The following MELK variants were observed in gnomAD, a reference collection of about 807,000 sequenced individuals.
MELK encodes maternal embryonic leucine zipper kinase.
MELK carries 81 observed loss-of-function variants against 85.0 expected under a neutral mutation model. The observed-to-expected ratio is 0.95, with a 90% CI of 0.80 to 1.15. MELK has a LOEUF of 1.15. Among genes scored for constraint, MELK ranks in the 50% most tolerant of loss-of-function variants. The probability of loss-of-function intolerance (pLI) is 0.00; values close to 1 mark genes in which losing one functional copy is unlikely to be tolerated. For missense variants in MELK, 754 were observed against 777.5 expected, an observed-to-expected ratio of 0.97 and a Z score of 0.36; for synonymous variants, 252 against 265.0, an observed-to-expected ratio of 0.95 and a Z score of 0.48.
chr9:36,666,783 A>G (rs540088081), intron 14 of MELK, among the ~76,000 whole-genome samples: 84 of 151,396 alleles, frequency 5.5e-4, no homozygotes, highest in African/African-American at 2.0e-3. Context: ...GTCATTTTCC[A>G]TTTCATCAAC....
chr9:36,624,434 G>A (rs1275704419), intron 8 of MELK, among the ~76,000 whole-genome samples: 2 of 152,172 alleles, frequency 1.3e-5, no homozygotes, highest in Non-Finnish European at 2.9e-5. Context: ...AGCCCATGGA[G>A]CCAGTAAGAG....
At chr9:36,635,595 C>G (rs1013003209) in intron 10 of MELK, among the ~76,000 whole-genome samples, 22 of 151,864 alleles carry the variant, frequency 1.4e-4, no homozygotes, top group Non-Finnish European at 2.9e-5. Flanking sequence ...TTTGTACCAT[C>G]CATACAAATG....
At position 36,589,518 on chromosome 9, in the gene MELK, T is replaced by TA. The variant is rs1209878227; in HGVS notation, c.145-17dup. ...CTGAATAAGTTTATTGCTCATTCCA[T>TA]ATGATGTTTTGTCACAGAGTGATTT... is the stretch of plus-strand genomic sequence containing the variant. On this transcript the variant is annotated splice_polypyrimidine_tract_variant and intron_variant, in intron 3 of 17. Coordinates refer to ENST00000298048, the MANE Select transcript of MELK (RefSeq NM_014791.4). 19 of 1,572,908 alleles carry TA rather than the reference T, an allele frequency of 1.2e-5. No individual in the cohort carries two copies. Among genetic ancestry groups the TA allele is most frequent in the Non-Finnish European group, 1.5e-5 (17 of 1,142,802 alleles).
At chr9:36,673,268 G>T (rs1443739205) in intron 16 of MELK, among the ~76,000 whole-genome samples, 1 of 152,124 alleles carries the variant, frequency 6.6e-6, no homozygotes, top group Admixed American at 6.5e-5. Flanking sequence ...GAAAGAGAGG[G>T]TCCCTTCGTT....
intron 7 of MELK, among the ~76,000 whole-genome samples, chr9:36,603,495 G>T (rs889199806): frequency 6.6e-6 from 1 of 151,572 alleles, no homozygotes; most frequent in Non-Finnish European, 1.5e-5. Flanking sequence ...GCAGTGGCAT[G>T]ACTATGGCTC....
At chr9:36,632,082 T>C (rs1165493724) in intron 9 of MELK, among the ~76,000 whole-genome samples, 7 of 152,210 alleles carry the variant, frequency 4.6e-5, no homozygotes, top group Admixed American at 1.3e-4. Flanking sequence ...TCAGCAGATA[T>C]CAAAATTACC....
At chr9:36,628,818 T>G (rs958513986) in intron 8 of MELK, among the ~76,000 whole-genome samples, 2 of 152,086 alleles carry the variant, frequency 1.3e-5, no homozygotes, top group African/African-American at 2.4e-5. Flanking sequence ...ATTCTAAAAA[T>G]AATCACTCAT....
intron 7 of MELK, 66 bp downstream of exon 7, chr9:36,599,552 T>TC: frequency 8.5e-7 from 1 of 1,182,974 alleles, no homozygotes; most frequent in Non-Finnish European, 1.3e-6. Flanking sequence ...CTGTAGTGAG[T>TC]CAGGCACTGT....
chr9:36,670,601 ATC>A (rs1832795007), intron 15 of MELK, among the ~76,000 whole-genome samples: 1 of 151,520 alleles, frequency 6.6e-6, no homozygotes, highest in Admixed American at 6.6e-5. Flanking sequence ...ATCAGTGTAT[ATC>A]TATATACATA....
At chr9:36,642,914 G>A in intron 10 of MELK, 83 bp from the exon 11 acceptor site, 2 of 967,992 alleles carry the variant, frequency 2.1e-6, no homozygotes. Context: ...ATTGTATAAA[G>A]TAATTATGCT....
chr9:36,673,927 A>G (rs1467562649), intron 16 of MELK, among the ~76,000 whole-genome samples: 1 of 152,228 alleles, frequency 6.6e-6, no homozygotes, highest in Non-Finnish European at 1.5e-5. Flanking sequence ...ATATTTATCC[A>G]TGTGCCACCC....
rs182922568 is a variant in MELK, at chr9:36,593,279, G to T, written c.262-1349G>T. Among the ~76,000 whole-genome samples the T allele has an allele frequency of 5.6e-3, 832 of 149,770 alleles. 23 individuals are homozygous for T. Among genetic ancestry groups the T allele is most frequent in the Admixed American group, 0.053 (783 of 14,866 alleles). Reference sequence around the variant, plus strand: ...GAATGCTGTTATTCCCCACAAATTCGTATGTTGAAACTTAATCCCCAGTGT... The same window carrying T: ...GAATGCTGTTATTCCCCACAAATTCTTATGTTGAAACTTAATCCCCAGTGT... On this transcript the variant is annotated intron_variant, in intron 4 of 17. Transcript: ENST00000298048.
chr9:36,604,043 C>T (rs1220345608), intron 7 of MELK, among the ~76,000 whole-genome samples: 2 of 151,830 alleles, frequency 1.3e-5, no homozygotes, highest in Non-Finnish European at 2.9e-5. Context: ...GATCTTGGCT[C>T]ACTGCAACCT....
intron 2 of MELK, 124 bp downstream of exon 2, chr9:36,581,863 T>G (rs1356886581): frequency 1.5e-6 from 1 of 655,930 alleles, no homozygotes; most frequent in Non-Finnish European, 2.6e-6. Flanking sequence ...CCTACTTCAG[T>G]AAGAAAAAGT....
chr9:36,665,458 C>A lies in MELK; in HGVS notation c.1285C>A (p.Pro429Thr), dbSNP rs1832250437. 1 of 1,612,940 alleles carries A rather than the reference C, an allele frequency of 6.2e-7. No homozygotes were observed. The highest frequency in any genetic ancestry group is 8.5e-7 in the Non-Finnish European group (1 of 1,179,256). The change falls in exon 14 of 18, where the codon CCT (proline) becomes ACT (threonine). Residue 429 changes from proline to threonine, a missense_variant. Coordinates refer to ENST00000298048, the MANE Select transcript of MELK (RefSeq NM_014791.4). ...KLKNKENVYT[P>T]KSAVKNEEYF... ...AAAGAACAAAGAAAATGTATATACTCCTAAGTCTGCTGTAAAGAATGAAGA... is the reference window on the plus strand; with the variant it reads ...AAAGAACAAAGAAAATGTATATACTACTAAGTCTGCTGTAAAGAATGAAGA...
chr9:36,577,691 A>T (rs891126076), intron 1 of MELK, among the ~76,000 whole-genome samples: 1 of 151,708 alleles, frequency 6.6e-6, no homozygotes, highest in African/African-American at 2.4e-5. Flanking sequence ...TTCGCTTGTT[A>T]CCCAGGCTGG....
chr9:36,618,138 A>G (rs1353495021), intron 8 of MELK, among the ~76,000 whole-genome samples: 1 of 150,308 alleles, frequency 6.7e-6, no homozygotes, highest in Non-Finnish European at 1.5e-5. Flanking sequence ...AAAAAAAAAA[A>G]GGGCCCAGTG....
chr9:36,573,455 C>T (rs1052633928), intron 1 of MELK, among the ~76,000 whole-genome samples: 12 of 152,184 alleles, frequency 7.9e-5, no homozygotes, highest in African/African-American at 2.9e-4. Flanking sequence ...CCATCCTCTC[C>T]TATCATCTCC....
chr9:36,604,851 C>A (rs1825323581), intron 7 of MELK, among the ~76,000 whole-genome samples: 2 of 152,176 alleles, frequency 1.3e-5, no homozygotes, highest in Admixed American at 1.3e-4. Flanking sequence ...CCATGTTGGT[C>A]AGGCTGGTCT....
Sources: gnomAD v4.1 joint callset for allele counts (sites outside exome capture counted in the v4.1 genomes callset) on GRCh38, gnomAD v4.1.1 for gene constraint, MANE v1.5 for transcripts, NCBI Gene and HGNC (gene_info 2026-07-23, HGNC 2026-07-21) for gene names.